ROBO1: variants seen among roughly 807,000 people sequenced by gnomAD.
ROBO1 encodes the protein roundabout guidance receptor 1.
Under a neutral mutation model 195.9 loss-of-function variants are expected in ROBO1, and 149 were observed. The ratio of observed to expected loss-of-function variants is 0.76; its 90% confidence interval spans 0.67 to 0.87. The LOEUF (loss-of-function observed/expected upper bound fraction) is 0.87, where lower values mean the gene tolerates loss of function less well. Among genes scored for constraint, ROBO1 ranks in the 40% least tolerant of loss-of-function variants. The pLI, the probability that ROBO1 is intolerant of heterozygous loss-of-function variation, is 0.00. For synonymous variants in ROBO1, 816 were observed against 733.2 expected (o/e 1.11, Z -1.82); for missense variants, 1,933 against 2,068.3 (o/e 0.93, Z 1.27).
At chr3:79,611,928 T>TA (rs1356952515) in intron 1 of ROBO1, among the ~76,000 whole-genome samples, 1 of 151,440 alleles carries the variant, frequency 6.6e-6, no homozygotes, top group East Asian at 1.9e-4. Context: ...AGAAAATAAA[T>TA]AAAAAAAGAA....
intron 1 of ROBO1, among the ~76,000 whole-genome samples, chr3:79,658,424 C>A (rs1329811676): frequency 6.6e-6 from 1 of 152,042 alleles, no homozygotes; most frequent in Non-Finnish European, 1.5e-5. Flanking sequence ...TCTTTACTTC[C>A]TATGACATTA....
chr3:79,223,578 CA>C (rs1313327148), intron 2 of ROBO1, among the ~76,000 whole-genome samples: 2 of 152,280 alleles, frequency 1.3e-5, no homozygotes, highest in African/African-American at 2.4e-5. Flanking sequence ...GCACGCACAT[CA>C]GCAAGCCAAA....
chr3:78,607,495 G>A (rs1374780202), intron 28 of ROBO1, among the ~76,000 whole-genome samples: 2 of 152,104 alleles, frequency 1.3e-5, no homozygotes, highest in Non-Finnish European at 2.9e-5. Context: ...CTACAGGTGT[G>A]AGCCACTGCA....
At chr3:79,501,956 G>C (rs1322214264) in intron 2 of ROBO1, among the ~76,000 whole-genome samples, 1 of 152,222 alleles carries the variant, frequency 6.6e-6, no homozygotes, top group Non-Finnish European at 1.5e-5. Context: ...AACAGCTAAG[G>C]CTGGACACAG....
At chr3:79,621,080 C>T (rs1944992663) in intron 1 of ROBO1, among the ~76,000 whole-genome samples, 1 of 152,142 alleles carries the variant, frequency 6.6e-6, no homozygotes, top group South Asian at 2.1e-4. Flanking sequence ...TTTACTATTC[C>T]TGTACACCCT....
intron 2 of ROBO1, among the ~76,000 whole-genome samples, chr3:79,304,808 A>G (rs992262078): frequency 2.0e-4 from 30 of 152,166 alleles, no homozygotes; most frequent in African/African-American, 6.8e-4. Context: ...ACATTTGTAA[A>G]CATTTGTTTA....
intron 1 of ROBO1, among the ~76,000 whole-genome samples, chr3:79,619,106 A>T (rs12497955): frequency 9.5e-4 from 3 of 3,168 alleles, no homozygotes; most frequent in African/African-American, 2.4e-3. Context: ...ATCACTGCAG[A>T]GACACCTGCC....
At chr3:79,612,749 G>A in intron 1 of ROBO1, among the ~76,000 whole-genome samples, 1 of 117,320 alleles carries the variant, frequency 8.5e-6, no homozygotes, top group African/African-American at 3.6e-5. Context: ...GTATCTCATT[G>A]TGGTTTTGAT....
chr3:79,249,359 C>T (rs1403812029), intron 2 of ROBO1, among the ~76,000 whole-genome samples: 3 of 152,120 alleles, frequency 2.0e-5, no homozygotes, highest in African/African-American at 7.2e-5. Context: ...ATTATGAACG[C>T]CTTACTTTTT....
chr3:78,670,558 A>C (rs1292956986), intron 10 of ROBO1: 3 of 422,678 alleles, frequency 7.1e-6, no homozygotes, highest in South Asian at 6.0e-5. Flanking sequence ...CTATTTAAAG[A>C]GTTCGGGAAT....
intron 2 of ROBO1, among the ~76,000 whole-genome samples, chr3:79,273,297 C>A (rs2030737290): frequency 1.3e-5 from 2 of 152,046 alleles, no homozygotes; most frequent in South Asian, 4.2e-4. Context: ...ACAATAACTA[C>A]AACAACTTTT....
intron 2 of ROBO1, among the ~76,000 whole-genome samples, chr3:79,325,207 T>C (rs946672219): frequency 3.3e-5 from 5 of 152,254 alleles, no homozygotes; most frequent in African/African-American, 1.2e-4. Flanking sequence ...GGCATTTTAA[T>C]ATTTTAAACT....
chr3:78,737,840 T>C (rs2082427759), intron 5 of ROBO1, among the ~76,000 whole-genome samples: 1 of 152,210 alleles, frequency 6.6e-6, no homozygotes, highest in South Asian at 2.1e-4. Context: ...ATAATATGCA[T>C]TGACACTTTA....
In ROBO1 at chr3:79,031,884, T is replaced by C. The variant is rs114515774; in HGVS notation, c.173-92957A>G. Reference sequence around the variant, plus strand: ...CCATAAACACAATTTATAACACTTCTACATACAGTACTCTTCTAAATAATT... The same window carrying C: ...CCATAAACACAATTTATAACACTTCCACATACAGTACTCTTCTAAATAATT... On this transcript the variant is annotated intron_variant, in intron 3 of 30. Transcript: ENST00000464233. Among the ~76,000 whole-genome samples the C allele has an allele frequency of 5.8e-3, 883 of 152,294 alleles. 10 individuals carry two copies. The highest frequency in any genetic ancestry group is 0.02 in the African/African-American group (850 of 41,574).
chr3:79,230,340 T>C (rs1415729395), intron 2 of ROBO1, among the ~76,000 whole-genome samples: 3 of 152,164 alleles, frequency 2.0e-5, no homozygotes, highest in Admixed American at 6.6e-5. Flanking sequence ...GGCTTCCTTA[T>C]ATAAAACCAC....
chr3:79,492,491 A>T (rs891603243), intron 2 of ROBO1, among the ~76,000 whole-genome samples: 1 of 151,534 alleles, frequency 6.6e-6, no homozygotes, highest in African/African-American at 2.4e-5. Flanking sequence ...TAAATTATGA[A>T]AACCATTTAT....
chr3:79,066,432 A>G (rs929162503), intron 3 of ROBO1, among the ~76,000 whole-genome samples: 4 of 151,864 alleles, frequency 2.6e-5, no homozygotes, highest in African/African-American at 9.7e-5. Flanking sequence ...TTATTTTACA[A>G]ACAATAGGTT....
intron 1 of ROBO1, among the ~76,000 whole-genome samples, chr3:79,650,931 T>C (rs1225742815): frequency 6.6e-6 from 1 of 152,040 alleles, no homozygotes; most frequent in Admixed American, 6.6e-5. Context: ...TTAAATGTTT[T>C]CTCTTTTCTC....
rs371123678 is a variant in ROBO1, at chr3:78,626,051, T to A, written c.3875+1270A>T. Among the ~76,000 whole-genome samples the A allele has an allele frequency of 5.3e-5, 8 of 151,668 alleles. No individual in the cohort carries two copies. In the East Asian group the frequency reaches 9.7e-4, roughly 18 times the overall value. On this transcript the variant is annotated intron_variant, in intron 26 of 30. Transcript: ENST00000464233. ...AAGGTGGAAAGGAGGACATAAGAGA[T>A]ACAAAAGAAGAGCTAGCCAGAAAGA...
Sources: allele counts gnomAD v4.1 joint callset (sites outside exome capture counted in the v4.1 genomes callset), GRCh38; gene constraint gnomAD v4.1.1; transcripts MANE v1.5; gene names NCBI Gene and HGNC (gene_info 2026-07-23, HGNC 2026-07-21).